CDH12: variants seen among roughly 807,000 people sequenced by gnomAD.
CDH12 encodes cadherin 12.
A neutral mutation model predicts 74.1 loss-of-function variants in CDH12; 41 were observed. The ratio of observed to expected loss-of-function variants is 0.55; its 90% CI spans 0.43 to 0.72. CDH12 has a LOEUF of 0.72. Ranked by LOEUF, CDH12 falls within the 30% of genes least tolerant of loss-of-function variation. The pLI is 0.00. For missense variants in CDH12, 945 were observed against 977.2 expected, an observed-to-expected ratio of 0.97 and a Z score of 0.44; for synonymous variants, 399 against 355.0, an observed-to-expected ratio of 1.12 and a Z score of -1.39.
At chr5:22,385,841 G>A (rs1380718411) in intron 3 of CDH12, among the ~76,000 whole-genome samples, 1 of 151,544 alleles carries the variant, frequency 6.6e-6, no homozygotes, top group Non-Finnish European at 1.5e-5. Flanking sequence ...CATCTTACAT[G>A]GCCAGAGCAG....
rs144687047 is a variant in CDH12 at position 22,675,870 on chromosome 5, C to CATATATATATATAT, written c.-522-170520_-522-170507dup. 4.4e-3 allele frequency among the ~76,000 whole-genome samples: 407 copies of CATATATATATATAT among 92,152 alleles called. 35 individuals carry two copies. The highest frequency in any genetic ancestry group is 0.011 in the African/African-American group (274 of 25,108). The allele number at this position is 92,152 out of a possible 152,430, so 60.5% of individuals were successfully genotyped here. On this transcript the variant is annotated intron_variant, in intron 1 of 14. Transcript: ENST00000382254. ...TGTATATATTTATACTTTTGTATCT[C>CATATATATATATAT]ATATATATATATATATACTTTTGTT...
chr5:22,220,671 C>T (rs1358223228), intron 3 of CDH12, among the ~76,000 whole-genome samples: 2 of 151,026 alleles, frequency 1.3e-5, no homozygotes, highest in Non-Finnish European at 3.0e-5. Context: ...TTTATATATA[C>T]AAAGGAAGAG....
At chr5:22,611,515 G>A (rs1737399500) in intron 1 of CDH12, among the ~76,000 whole-genome samples, 2 of 152,070 alleles carry the variant, frequency 1.3e-5, no homozygotes, top group Non-Finnish European at 2.9e-5. Context: ...GAAAGGTTTA[G>A]GGAAACCAGC....
At position 21,751,565 on chromosome 5, in the gene CDH12, A is replaced by G; in HGVS notation, c.*172T>C. Reference sequence around the variant, plus strand: ...CCAAAACTGACAATATGATTAATTTAGTAACTTACTAGAAACCAGGTAATC... The same window carrying G: ...CCAAAACTGACAATATGATTAATTTGGTAACTTACTAGAAACCAGGTAATC... On this transcript the variant is annotated 3_prime_UTR_variant, in exon 15 of 15. Transcript: ENST00000382254. 1.7e-6 allele frequency: 1 copy of G among 605,572 alleles called. No individual in the cohort carries two copies. The highest frequency in any genetic ancestry group is 2.2e-5 in the South Asian group (1 of 45,664). 37.5% of individuals were successfully genotyped at this position (605,572 alleles called of 1,614,324 possible). A position where few individuals can be genotyped will look rare whatever the true frequency, so the allele number is the denominator to read the frequency against.
At chr5:21,931,726 T>C (rs1450454597) in intron 6 of CDH12, among the ~76,000 whole-genome samples, 2 of 152,218 alleles carry the variant, frequency 1.3e-5, no homozygotes, top group African/African-American at 2.4e-5. Context: ...TAGACTGCAC[T>C]TTAGTCTACC....
chr5:22,522,833 C>T (rs993419111), intron 1 of CDH12, among the ~76,000 whole-genome samples: 8 of 152,130 alleles, frequency 5.3e-5, no homozygotes, highest in African/African-American at 1.9e-4. Context: ...AATCCTCCAC[C>T]TACAAACATG....
In CDH12 at chr5:21,828,980, G is replaced by A. The variant is rs534349616; in HGVS notation, c.815-11848C>T. On this transcript the variant is annotated intron_variant, in intron 8 of 14. Coordinates refer to ENST00000382254, the MANE Select transcript of CDH12 (RefSeq NM_004061.5). ...ATATATTGTTTTTACTCCAAGTAGT[G>A]TAAATGTGCATTAACTTGAAAATCT... Among the ~76,000 whole-genome samples, 287 of 138,622 alleles carry A rather than the reference G, an allele frequency of 2.1e-3. 1 individual carries two copies. Among genetic ancestry groups the A allele is most frequent in the African/African-American group, 7.5e-3 (270 of 35,954 alleles). The allele number at this position is 138,622 out of a possible 152,430, so 90.9% of individuals were successfully genotyped here.
At chr5:22,472,915 A>G (rs564742591) in intron 2 of CDH12, among the ~76,000 whole-genome samples, 88 of 152,246 alleles carry the variant, frequency 5.8e-4, no homozygotes, top group African/African-American at 2.0e-3. Flanking sequence ...CCCTTTGCTC[A>G]ATGGCCTTCA....
chr5:22,422,290 C>G, intron 2 of CDH12, among the ~76,000 whole-genome samples: 1 of 152,190 alleles, frequency 6.6e-6, no homozygotes, highest in East Asian at 1.9e-4. Context: ...GAGAGTCTTT[C>G]ACCTGAAGGG....
At chr5:22,020,757 A>G (rs1296762637) in intron 5 of CDH12, among the ~76,000 whole-genome samples, 1 of 151,748 alleles carries the variant, frequency 6.6e-6, no homozygotes, top group Non-Finnish European at 1.5e-5. Context: ...CCCCCCTCTC[A>G]TGACTTCATA....
chr5:22,004,570 T>C (rs1402894506), intron 5 of CDH12, among the ~76,000 whole-genome samples: 1 of 152,216 alleles, frequency 6.6e-6, no homozygotes, highest in Non-Finnish European at 1.5e-5. Flanking sequence ...ATTCCCTAGA[T>C]ATCCGCATGG....
intron 1 of CDH12, among the ~76,000 whole-genome samples, chr5:22,798,206 A>G (rs573104425): frequency 5.3e-5 from 8 of 152,194 alleles, no homozygotes; most frequent in East Asian, 3.9e-4. Flanking sequence ...AAACTTCTCA[A>G]TCTACCATTT....
chr5:22,655,117 T>C (rs12514362), intron 1 of CDH12, among the ~76,000 whole-genome samples: 31,393 of 152,162 alleles, frequency 0.21, 3,861 homozygotes, highest in Admixed American at 0.35. Context: ...CTTATGTCAA[T>C]TGACCCTATC....
chr5:22,790,856 C>A (rs893839567), intron 1 of CDH12, among the ~76,000 whole-genome samples: 1 of 152,196 alleles, frequency 6.6e-6, no homozygotes, highest in South Asian at 2.1e-4. Context: ...CTCATGGCAT[C>A]GTGGTTGGCA....
At chr5:22,821,917 T>C (rs1749721436) in intron 1 of CDH12, among the ~76,000 whole-genome samples, 1 of 151,574 alleles carries the variant, frequency 6.6e-6, no homozygotes, top group African/African-American at 2.4e-5. Context: ...AGAGCCTGCA[T>C]TGCCAAGTCA....
chr5:22,575,125 C>T (rs1034085916), intron 1 of CDH12, among the ~76,000 whole-genome samples: 1 of 152,080 alleles, frequency 6.6e-6, no homozygotes, highest in African/African-American at 2.4e-5. Flanking sequence ...ACACTAACAA[C>T]GTTTTACATG....
intron 1 of CDH12, among the ~76,000 whole-genome samples, chr5:22,726,549 G>A (rs1415023927): frequency 6.6e-6 from 1 of 151,800 alleles, no homozygotes; most frequent in East Asian, 1.9e-4. Flanking sequence ...CTCCTCCAAA[G>A]TGGCTGTGTC....
chr5:21,755,893 A>G (rs76092391), intron 13 of CDH12, 51 bp from the exon 14 acceptor site: 6 of 1,579,390 alleles, frequency 3.8e-6, no homozygotes, highest in South Asian at 3.4e-5. Context: ...CTTCACTTCA[A>G]ATCTTCAAGT....
chr5:21,829,217 C>T (rs1016596969), intron 8 of CDH12, among the ~76,000 whole-genome samples: 5 of 152,190 alleles, frequency 3.3e-5, no homozygotes, highest in African/African-American at 4.8e-5. Context: ...ATAGCTTGAA[C>T]CCAGGAGGCG....
Sources: allele counts gnomAD v4.1 joint callset (sites outside exome capture counted in the v4.1 genomes callset), GRCh38; gene constraint gnomAD v4.1.1; transcripts MANE v1.5; gene names NCBI Gene and HGNC (gene_info 2026-07-23, HGNC 2026-07-21).